The following NDEL1 variants were observed in gnomAD, a reference collection of about 807,000 sequenced individuals.
NDEL1 encodes the protein nuclear distribution protein nudE-like 1.
A neutral mutation model predicts 45.7 loss-of-function variants in NDEL1; 9 were observed. The observed-to-expected ratio is 0.20, with a 90% confidence interval of 0.12 to 0.34. The LOEUF (loss-of-function observed/expected upper bound fraction) is 0.34. Among genes scored for constraint, NDEL1 ranks in the 10% least tolerant of loss-of-function variants. The probability of loss-of-function intolerance (pLI) is 1.00; values close to 1 mark genes in which losing one functional copy is unlikely to be tolerated. For synonymous variants in NDEL1, 133 were observed against 158.6 expected (o/e 0.84, Z 1.21); for missense variants, 306 against 406.2 (o/e 0.75, Z 2.12).
intron 4 of NDEL1, among the ~76,000 whole-genome samples, chr17:8,447,754 A>G (rs1034290466): frequency 2.6e-5 from 4 of 152,156 alleles, no homozygotes; most frequent in Non-Finnish European, 4.4e-5. Context: ...CTTAATTCCT[A>G]TTACTTTATA....
At chr17:8,422,116 G>A (rs573391424) in intron 1 of NDEL1, among the ~76,000 whole-genome samples, 1 of 152,314 alleles carries the variant, frequency 6.6e-6, no homozygotes, top group South Asian at 2.1e-4. Flanking sequence ...GCAATGGCTG[G>A]GGGTGGAGGG....
chr17:8,436,547 G>T (rs1909355692), intron 1 of NDEL1: 1 of 152,360 alleles, frequency 6.6e-6, no homozygotes, highest in Non-Finnish European at 1.5e-5. Flanking sequence ...GTTGGGCTCG[G>T]ATTGGCATTC....
Position 8,460,157 on chromosome 17 carries a change from A to G in NDEL1, c.941A>G (p.Lys314Arg), listed in dbSNP as rs776414006. ...SRSGHTSFFD[K>R]GAVNGFDPAP... ...TCAGGGCATACATCTTTCTTCGACA[A>G]AGGGTAAGTCCTGAATGTTTTAAGT... is the stretch of plus-strand genomic sequence containing the variant. Residue 314 changes from lysine (K) to arginine (R), a missense_variant, in exon 8 of 9, where the codon AAA (lysine) becomes AGA (arginine). By Grantham distance (26) the Lys-to-Arg change is conservative. This residue lies in a region of NDEL1 where 175 missense variants were observed against 205.2 expected (regional missense o/e 0.85). Transcript: ENST00000334527. 1 of 1,612,434 alleles carries G rather than the reference A, an allele frequency of 6.2e-7. No homozygotes were observed. Among genetic ancestry groups the G allele is most frequent in the Non-Finnish European group, 8.5e-7 (1 of 1,179,452 alleles).
At chr17:8,427,309 T>TACCC (rs1908861354) in intron 1 of NDEL1, among the ~76,000 whole-genome samples, 1 of 152,048 alleles carries the variant, frequency 6.6e-6, no homozygotes. Flanking sequence ...TTCCTGGGTA[T>TACCC]AGGAATAGCC....
intron 6 of NDEL1, 107 bp downstream of exon 6, chr17:8,451,060 G>A: frequency 9.0e-7 from 1 of 1,117,074 alleles, no homozygotes; most frequent in African/African-American, 1.6e-5. Context: ...TAGTTTAAAA[G>A]TTGGTGAAGT....
chr17:8,449,483 G>A (rs139235534), intron 5 of NDEL1, among the ~76,000 whole-genome samples: 194 of 152,244 alleles, frequency 1.3e-3, no homozygotes, highest in Non-Finnish European at 2.4e-3. Flanking sequence ...TCAAATTGTT[G>A]TGTAAACAAA....
chr17:8,463,455 G>C, intron 8 of NDEL1: 1 of 1,151,370 alleles, frequency 8.7e-7, no homozygotes, highest in Non-Finnish European at 1.3e-6. Flanking sequence ...GCATGGGGCT[G>C]ACTCAGCTTT....
intron 1 of NDEL1, among the ~76,000 whole-genome samples, chr17:8,414,445 A>T (rs1412237249): frequency 7.2e-5 from 11 of 152,046 alleles, no homozygotes; most frequent in Non-Finnish European, 4.4e-5. Context: ...AGGCTGGCGG[A>T]TCATGAGGTC....
downstream of NDEL1, among the ~76,000 whole-genome samples, chr17:8,472,085 C>A (rs187983105): frequency 7.5e-4 from 114 of 152,202 alleles, no homozygotes; most frequent in African/African-American, 2.5e-3. Context: ...GAAGGAAGAG[C>A]AGGAAGGTGT....
At chr17:8,459,016 G>A (rs1338878527) in intron 7 of NDEL1, among the ~76,000 whole-genome samples, 2 of 152,184 alleles carry the variant, frequency 1.3e-5, no homozygotes, top group African/African-American at 4.8e-5. Flanking sequence ...ACAGGAATGA[G>A]CCACTGCACC....
At chr17:8,432,350 A>AT (rs1909032207), upstream of NDEL1, among the ~76,000 whole-genome samples, 1 of 121,730 alleles carries the variant, frequency 8.2e-6, no homozygotes, top group South Asian at 3.0e-4. Flanking sequence ...ATATATAAAT[A>AT]TAAATATAAA....
At chr17:8,447,982 C>CGGGGGGGGGGGGTGGG (rs34891973) in intron 4 of NDEL1, among the ~76,000 whole-genome samples, 2 of 107,712 alleles carry the variant, frequency 1.9e-5, no homozygotes, top group African/African-American at 3.6e-5. Flanking sequence ...GGGAGGTGGG[C>CGGGGGGGGGGGGTGGG]GGGGGGGGGG....
At position 8,444,289 on chromosome 17, in the gene NDEL1, A is replaced by G; in HGVS notation, c.18A>G (p.Ile6Met). ...TCTTGATCATGGATGGTGAAGATAT[A>G]CCAGATTTTTCAAGTTTAAAGGAGG... MDGED[I>M]PDFSSLKEET... Residue 6 changes from isoleucine (I) to methionine (M), a missense_variant, in exon 2 of 9, where the codon ATA becomes ATG. Coordinates refer to ENST00000334527, the MANE Select transcript of NDEL1 (RefSeq NM_030808.5). 1 of 1,612,260 alleles carries G rather than the reference A, an allele frequency of 6.2e-7. No homozygotes were observed. The highest frequency in any genetic ancestry group is 1.1e-5 in the South Asian group (1 of 90,950).
At chr17:8,452,378 G>T in intron 6 of NDEL1, among the ~76,000 whole-genome samples, 1 of 152,122 alleles carries the variant, frequency 6.6e-6, no homozygotes, top group East Asian at 1.9e-4. Context: ...TTTCATTCAG[G>T]GACTTGGGGA....
At chr17:8,443,764 A>G (rs7223541) in intron 1 of NDEL1, among the ~76,000 whole-genome samples, 117 of 152,230 alleles carry the variant, frequency 7.7e-4, no homozygotes, top group African/African-American at 2.6e-3. Flanking sequence ...AGATTTGATA[A>G]TAGTAAATTA....
At chr17:8,433,295 G>A (rs1909063622), upstream of NDEL1, among the ~76,000 whole-genome samples, 1 of 152,164 alleles carries the variant, frequency 6.6e-6, no homozygotes, top group Non-Finnish European at 1.5e-5. Context: ...GCTGGCTATT[G>A]TTTCTGCTGT....
chr17:8,454,995 TG>T, intron 7 of NDEL1, 108 bp downstream of exon 7: 1 of 1,083,258 alleles, frequency 9.2e-7, no homozygotes, highest in East Asian at 2.4e-5. Flanking sequence ...TGGTAAAGGC[TG>T]TCATGAAGCT....
At chr17:8,415,386 A>G (rs950242336) in intron 1 of NDEL1, among the ~76,000 whole-genome samples, 1 of 150,350 alleles carries the variant, frequency 6.7e-6, no homozygotes, top group Non-Finnish European at 1.5e-5. Context: ...GCCACTTTTT[A>G]ATTTATATGT....
intron 7 of NDEL1, among the ~76,000 whole-genome samples, chr17:8,455,413 C>T (rs376678133): frequency 2.0e-5 from 3 of 152,298 alleles, no homozygotes; most frequent in Non-Finnish European, 2.9e-5. Context: ...CCCAGCCGGA[C>T]GCGGTGGCTC....
Sources: allele counts gnomAD v4.1 joint callset (sites outside exome capture counted in the v4.1 genomes callset), GRCh38; gene constraint gnomAD v4.1.1; regional missense constraint gnomAD v4.1.1; transcripts MANE v1.5; gene names NCBI Gene and HGNC (gene_info 2026-07-23, HGNC 2026-07-21).